The following EHHADH variants were observed in gnomAD, a reference collection of about 807,000 sequenced individuals.
EHHADH encodes peroxisomal bifunctional enzyme.
A neutral mutation model predicts 64.4 loss-of-function variants in EHHADH; 48 were observed. That is an observed-to-expected ratio of 0.75 (90% CI 0.59 to 0.95). The LOEUF (loss-of-function observed/expected upper bound fraction) is 0.95. EHHADH is among the 40% of genes least tolerant of loss of function. The probability of loss-of-function intolerance (pLI) is 0.00; values close to 1 mark genes in which losing one functional copy is unlikely to be tolerated. For missense variants in EHHADH, 854 were observed against 876.6 expected (o/e 0.97, Z 0.33); for synonymous variants, 308 against 326.7 (o/e 0.94, Z 0.62).
chr3:185,240,803 GT>G (rs1719427537), intron 2 of EHHADH, among the ~76,000 whole-genome samples: 1 of 151,556 alleles, frequency 6.6e-6, no homozygotes, highest in Non-Finnish European at 1.5e-5. Context: ...TCTTTTTTCT[GT>G]TTTTATTTTT....
In EHHADH at chr3:185,235,301, C is replaced by A. The variant is rs1719258934; in HGVS notation, c.340G>T (p.Ala114Ser). 6.2e-7 allele frequency: 1 copy of A among 1,610,602 alleles called. No individual in the cohort carries two copies. Among genetic ancestry groups the A allele is most frequent in the Admixed American group, 1.7e-5 (1 of 59,464 alleles). The change falls in exon 3 of 7, where the codon GCC becomes TCC. Residue 114 changes from alanine (A) to serine (S), a missense_variant. Ala to Ser is a moderately conservative substitution (Grantham distance 99, BLOSUM62 1). Transcript: ENST00000231887. The part of the protein sequence containing the change: ...ELALGCHYRI[A>S]HAEAQVGLPE... ...GCCTTGGTTGTTACCTCTGCGTGGG[C>A]AATCCTATAGTGACAGCCCAGGGCC...
Position 185,204,501 on chromosome 3 carries a change from T to G in EHHADH, c.825A>C (p.Glu275Asp). 1 of 1,614,200 alleles carries G rather than the reference T, an allele frequency of 6.2e-7. No homozygotes were observed. Among genetic ancestry groups the G allele is most frequent in the Middle Eastern group, 1.7e-4 (1 of 6,060 alleles). ...ARALQYAFFA[E>D]RKANKWSTPS... ...GAGTTGACCACTTATTTGCTTTCCT[T>G]TCAGCGAAGAAAGCATATTGCAGGG... is the stretch of plus-strand genomic sequence containing the variant. The change falls in exon 6 of 7, where the codon GAA becomes GAC. Residue 275 changes from glutamate to aspartate, a missense_variant. Glu to Asp is a conservative substitution (Grantham distance 45, BLOSUM62 2). Transcript: ENST00000231887.
At chr3:185,238,579 T>G (rs1437102703) in intron 2 of EHHADH, among the ~76,000 whole-genome samples, 1 of 152,176 alleles carries the variant, frequency 6.6e-6, no homozygotes, top group Non-Finnish European at 1.5e-5. Context: ...ATGTCCTATG[T>G]GTACTTCAAA....
intron 2 of EHHADH, chr3:185,245,923 T>C (rs1232147203): frequency 4.4e-6 from 6 of 1,367,646 alleles, no homozygotes; most frequent in Admixed American, 1.7e-5. Flanking sequence ...GCTCCTCTTA[T>C]GTGTAGTCTC....
At chr3:185,248,698 A>G (rs558419920) in intron 1 of EHHADH, among the ~76,000 whole-genome samples, 181 bp from the exon 2 acceptor site, 1 of 152,338 alleles carries the variant, frequency 6.6e-6, no homozygotes, top group South Asian at 2.1e-4. Context: ...TTTCTTCTAC[A>G]AATAATATAT....
chr3:185,249,285 C>T (rs1456944437), intron 1 of EHHADH, among the ~76,000 whole-genome samples: 2 of 152,144 alleles, frequency 1.3e-5, no homozygotes, highest in African/African-American at 2.4e-5. Context: ...CCCGCCACCA[C>T]GTCCGGCTAA....
At chr3:185,194,645 C>A (rs1031904716) in intron 6 of EHHADH, among the ~76,000 whole-genome samples, 1 of 145,668 alleles carries the variant, frequency 6.9e-6, no homozygotes, top group Non-Finnish European at 1.5e-5. Context: ...ACAACAACAA[C>A]AAAAATTAGC....
rs1220063126 is a variant in EHHADH at position 185,204,132 on chromosome 3, CAAAAAAAAAAA to C, written c.910+273_910+283del. The stretch of plus-strand genomic sequence containing the variant: ...TGGGTGACAGAACAAGACTCTGTCT[CAAAAAAAAAAA>C]AAAAAAAAAAAAAAAGAATAAAACA... On this transcript the variant is annotated intron_variant, in intron 6 of 6. Transcript: ENST00000231887. Among the ~76,000 whole-genome samples the C allele has an allele frequency of 4.3e-4, 13 of 30,520 alleles. 1 individual carries two copies. The East Asian group carries it at 0.013, about 30-fold the overall frequency. 20.0% of individuals were successfully genotyped at this position (30,520 alleles called of 152,430 possible). A position where few individuals can be genotyped will look rare whatever the true frequency, so the allele number is the denominator to read the frequency against.
At chr3:185,237,451 G>C (rs1315891386) in intron 2 of EHHADH, among the ~76,000 whole-genome samples, 3 of 152,110 alleles carry the variant, frequency 2.0e-5, no homozygotes, top group Non-Finnish European at 2.9e-5. Context: ...TTCTCATAAG[G>C]AAAGCTTTCA....
intron 6 of EHHADH, among the ~76,000 whole-genome samples, chr3:185,195,761 C>T (rs1226041507): frequency 6.6e-6 from 1 of 152,052 alleles, no homozygotes; most frequent in Non-Finnish European, 1.5e-5. Context: ...GAACAATAAA[C>T]ACTGGGGATT....
intron 5 of EHHADH, among the ~76,000 whole-genome samples, 165 bp downstream of exon 5, chr3:185,217,971 T>G (rs2108637269): frequency 6.6e-6 from 1 of 151,832 alleles, no homozygotes. Context: ...TTCACCGTGT[T>G]AGCCAGGATG....
chr3:185,243,028 G>C (rs1245743170), intron 2 of EHHADH, among the ~76,000 whole-genome samples: 1 of 152,218 alleles, frequency 6.6e-6, no homozygotes, highest in Non-Finnish European at 1.5e-5. Flanking sequence ...CAAGCTCCCA[G>C]GGCCTTTCCT....
intron 1 of EHHADH, among the ~76,000 whole-genome samples, chr3:185,251,057 G>T (rs934245520): frequency 6.6e-6 from 1 of 152,190 alleles, no homozygotes; most frequent in African/African-American, 2.4e-5. Context: ...AGCTGACAGA[G>T]AGAGTCATAG....
Position 185,218,142 on chromosome 3 carries a change from C to A in EHHADH, c.562G>T (p.Val188Phe), listed in dbSNP as rs780370991. 8 of 1,600,470 alleles carry A rather than the reference C, an allele frequency of 5.0e-6. No individual in the cohort carries two copies. In the South Asian group the frequency reaches 8.9e-5, roughly 18 times the overall value. ...TTTATTATTATCTTCTTACCTGAAA[C>A]TCTCTGAGCAAATCTGATTGCTTCT... The part of the protein sequence containing the change: ...VEEAIRFAQR[V>F]SDQPLESRRL... Residue 188 changes from valine to phenylalanine, a missense_variant, in exon 5 of 7, where the codon GTT becomes TTT. Val to Phe is a conservative substitution (Grantham distance 50). Coordinates refer to ENST00000231887, the MANE Select transcript of EHHADH (RefSeq NM_001966.4).
chr3:185,252,838 T>TC (rs1719785920), intron 1 of EHHADH, among the ~76,000 whole-genome samples: 3 of 152,184 alleles, frequency 2.0e-5, no homozygotes, highest in Non-Finnish European at 4.4e-5. Context: ...CAAAGACCTT[T>TC]CTCTCTATGC....
intron 5 of EHHADH, among the ~76,000 whole-genome samples, chr3:185,213,429 T>C (rs1323295201): frequency 6.6e-6 from 1 of 152,202 alleles, no homozygotes; most frequent in Non-Finnish European, 1.5e-5. Context: ...ACCATGGCTC[T>C]AGATCAAGAC....
rs773275195 is a variant in EHHADH at position 185,238,524 on chromosome 3, CAT to C, written c.179-3064_179-3063del. Among the ~76,000 whole-genome samples, 162 of 152,134 alleles carry C rather than the reference CAT, an allele frequency of 1.1e-3. 1 individual carries two copies. Among genetic ancestry groups the C allele is most frequent in the African/African-American group, 3.7e-3 (153 of 41,524 alleles). On this transcript the variant is annotated intron_variant, in intron 2 of 6. Coordinates refer to ENST00000231887, the MANE Select transcript of EHHADH (RefSeq NM_001966.4). ...TGATTAGTGATGTTGAGAATTTTTT[CAT>C]ATGTTTATTGGCCACTTGTATGTCT...
chr3:185,192,406 C>T lies in EHHADH; in HGVS notation c.1992G>A (p.Met664Ile). Residue 664 changes from methionine to isoleucine, a missense_variant, in exon 7 of 7, where the codon ATG becomes ATA. Transcript: ENST00000231887. ...YGWPRHKGGP[M>I]FYASTVGLPT... ...GCAACCCAACTGTGGAAGCATAGAA[C>T]ATGGGCCCGCCCTTGTGCCTTGGCC... The T allele has an allele frequency of 1.2e-6, 2 of 1,614,218 alleles. No homozygotes were observed. The highest frequency in any genetic ancestry group is 1.7e-6 in the Non-Finnish European group (2 of 1,180,034).
chr3:185,212,236 A>G (rs1718560162), intron 5 of EHHADH, among the ~76,000 whole-genome samples: 1 of 152,260 alleles, frequency 6.6e-6, no homozygotes, highest in Non-Finnish European at 1.5e-5. Flanking sequence ...AGCCAATGCA[A>G]TCTGGTTTGG....
Sources: gnomAD v4.1 joint callset for allele counts (sites outside exome capture counted in the v4.1 genomes callset) on GRCh38, gnomAD v4.1.1 for gene constraint, MANE v1.5 for transcripts, NCBI Gene and HGNC (gene_info 2026-07-23, HGNC 2026-07-21) for gene names.